The following MKKS variants were observed in gnomAD, a reference collection of about 807,000 sequenced individuals.
MKKS encodes the protein molecular chaperone MKKS.
Under a neutral mutation model 33.2 loss-of-function variants are expected in MKKS, and 29 were observed. The observed-to-expected ratio is 0.87, with a 90% CI of 0.65 to 1.19. MKKS has a LOEUF of 1.19. MKKS is among the 50% of genes most tolerant of loss of function. The pLI, the probability that MKKS is intolerant of heterozygous loss-of-function variation, is 0.00. For missense variants in MKKS, 661 were observed against 662.3 expected (o/e 1.00, Z 0.02); for synonymous variants, 260 against 244.0 (o/e 1.07, Z -0.61).
chr20:10,407,386 ACCTTGT>A (rs1290472483), intron 5 of MKKS, among the ~76,000 whole-genome samples: 18 of 152,188 alleles, frequency 1.2e-4, no homozygotes. Flanking sequence ...CCTTATATTT[ACCTTGT>A]TATTTCCCTC....
chr20:10,414,391 C>T (rs2064922001), intron 2 of MKKS, among the ~76,000 whole-genome samples: 1 of 151,690 alleles, frequency 6.6e-6, no homozygotes, highest in Non-Finnish European at 1.5e-5. Flanking sequence ...TCACCCTCCT[C>T]AGTGGCAGGG....
intron 1 of MKKS, among the ~76,000 whole-genome samples, chr20:10,424,853 A>T (rs2065004621): frequency 6.6e-6 from 1 of 152,042 alleles, no homozygotes; most frequent in African/African-American, 2.4e-5. Context: ...GGAGTTTGAG[A>T]CCAGTCTGGC....
rs2064819042 is a variant in MKKS, at chr20:10,403,099, A to T, written c.*2148T>A. 6.6e-6 allele frequency: 1 copy of T among 152,166 alleles called. No individual in the cohort carries two copies. Among genetic ancestry groups the T allele is most frequent in the Admixed American group, 6.5e-5 (1 of 15,276 alleles). The allele number at this position is 152,166 out of a possible 1,614,324, so 9.4% of individuals were successfully genotyped here. The stretch of plus-strand genomic sequence containing the variant: ...CAAATTCACTCTTGTGGTTATTGGT[A>T]CGATTCAGTTCCTTTTGAGCTGTTG... On this transcript the variant is annotated 3_prime_UTR_variant, in exon 6 of 6. Transcript: ENST00000347364.
intron 1 of MKKS, among the ~76,000 whole-genome samples, chr20:10,423,427 C>A (rs972281858): frequency 2.0e-5 from 3 of 151,932 alleles, no homozygotes; most frequent in Non-Finnish European, 2.9e-5. Flanking sequence ...TTCAAAAAAA[C>A]AAACCAAAAG....
At chr20:10,406,564 CTA>C (rs550577552) in intron 5 of MKKS, among the ~76,000 whole-genome samples, 32 of 152,300 alleles carry the variant, frequency 2.1e-4, no homozygotes, top group African/African-American at 7.5e-4. Flanking sequence ...CAAGTACACT[CTA>C]TATTGTTTGC....
intron 2 of MKKS, among the ~76,000 whole-genome samples, chr20:10,419,558 T>C (rs1248045962): frequency 6.6e-6 from 1 of 152,178 alleles, no homozygotes; most frequent in Non-Finnish European, 1.5e-5. Context: ...CACTAAACCC[T>C]ATATATACTA....
intron 2 of MKKS, among the ~76,000 whole-genome samples, chr20:10,416,506 T>C (rs6074133): frequency 0.34 from 51,351 of 151,492 alleles, 10,278 homozygotes; most frequent in Non-Finnish European, 0.45. Context: ...CAGCAACAGA[T>C]TAATATAACT....
chr20:10,433,982 C>G (rs2065077533), intron 1 of MKKS, 126 bp downstream of exon 1: 3 of 152,318 alleles, frequency 2.0e-5, no homozygotes, highest in Non-Finnish European at 4.4e-5. Context: ...TCCCCGCCCT[C>G]AAATATCCTT....
intron 4 of MKKS, 148 bp from the exon 5 acceptor site, chr20:10,407,874 G>T (rs2064854194): frequency 1.1e-5 from 8 of 699,028 alleles, no homozygotes; most frequent in Non-Finnish European, 1.8e-5. Flanking sequence ...GTTGTCATGT[G>T]ATTAATACAT....
intron 5 of MKKS, 32 bp downstream of exon 5, chr20:10,407,584 T>C (rs1411737927): frequency 6.3e-7 from 1 of 1,577,500 alleles, no homozygotes; most frequent in Middle Eastern, 1.7e-4. Context: ...TGCTGAGAAT[T>C]CAGGTAATCC....
intron 1 of MKKS, among the ~76,000 whole-genome samples, chr20:10,422,913 G>A (rs915374133): frequency 4.6e-5 from 7 of 151,820 alleles, no homozygotes; most frequent in Non-Finnish European, 1.0e-4. Flanking sequence ...GGGTTTCACC[G>A]TGTTAGCCAG....
Position 10,401,245 on chromosome 20 carries a change from T to C in MKKS, c.*4002A>G, listed in dbSNP as rs1287269095. 1 of 152,214 alleles carries C rather than the reference T, an allele frequency of 6.6e-6. No homozygotes were observed. The highest frequency in any genetic ancestry group is 1.5e-5 in the Non-Finnish European group (1 of 68,040). 9.4% of individuals were successfully genotyped at this position (152,214 alleles called of 1,614,324 possible). A position where few individuals can be genotyped will look rare whatever the true frequency, so the allele number is the denominator to read the frequency against. ...TTCATGAATATTACTATATTCTTAGTAAAGCAGCATATAAATCTACTTATA... is the reference window on the plus strand; with the variant it reads ...TTCATGAATATTACTATATTCTTAGCAAAGCAGCATATAAATCTACTTATA... On this transcript the variant is annotated 3_prime_UTR_variant, in exon 6 of 6. Coordinates refer to ENST00000347364, the MANE Select transcript of MKKS (RefSeq NM_170784.3).
At chr20:10,433,420 C>G (rs6039929) in intron 1 of MKKS, among the ~76,000 whole-genome samples, 64,346 of 152,166 alleles carry the variant, frequency 0.42, 14,389 homozygotes, top group Non-Finnish European at 0.49. Flanking sequence ...GTGCAAGTCC[C>G]TCTTGGTCAC....
At position 10,405,507 on chromosome 20, in the gene MKKS, G is replaced by A. The variant is rs1444144469; in HGVS notation, c.1453C>T (p.Pro485Ser). The A allele has an allele frequency of 9.3e-6, 15 of 1,614,186 alleles. No individual in the cohort carries two copies. The highest frequency in any genetic ancestry group is 1.3e-5 in the Non-Finnish European group (15 of 1,180,036). ...AAATCTGGCCAGTTAGCAACACAGG[G>A]AGAATCTGCCTGAACTGACCAAAGG... ...GHLWSVQADS[P>S]CVANWPDLLS... The change falls in exon 6 of 6, where the codon CCC becomes TCC. Residue 485 changes from proline to serine, a missense_variant. Physicochemically the swap from Pro to Ser is moderately conservative, Grantham distance 74. Coordinates refer to ENST00000347364, the MANE Select transcript of MKKS (RefSeq NM_170784.3).
intron 1 of MKKS, among the ~76,000 whole-genome samples, chr20:10,421,416 C>CAAAAAA (rs57038274): frequency 1.2e-5 from 1 of 86,116 alleles, no homozygotes. Flanking sequence ...GACTCCATCA[C>CAAAAAA]AAAAAAAAAA....
chr20:10,412,060 T>G (rs911840977), intron 3 of MKKS, among the ~76,000 whole-genome samples: 6 of 152,122 alleles, frequency 3.9e-5, no homozygotes, highest in African/African-American at 7.2e-5. Context: ...AAAACATAGG[T>G]GCATGTACAT....
intron 4 of MKKS, 42 bp downstream of exon 4, chr20:10,408,586 T>TTG: frequency 6.3e-7 from 1 of 1,593,912 alleles, no homozygotes; most frequent in Non-Finnish European, 8.6e-7. Flanking sequence ...GACTAATTCC[T>TTG]CCCTCAGCCT....
chr20:10,408,200 G>T (rs1346318639), intron 4 of MKKS, among the ~76,000 whole-genome samples: 4 of 152,122 alleles, frequency 2.6e-5, no homozygotes, highest in African/African-American at 7.2e-5. Flanking sequence ...TTTAAAACTT[G>T]TGACCAATCC....
At position 10,405,546 on chromosome 20, in the gene MKKS, TGTCA is replaced by T. The variant is rs1171514864; in HGVS notation, c.1410_1413del (p.Asp471Ter). ...ACTGACCAAAGGTGTCCATACTTCA[TGTCA>T]GTGAGAATTTCACCTCCATCATGTT... On this transcript the variant is annotated frameshift_variant, in exon 6 of 6. Transcript: ENST00000347364. LOFTEE classifies it high-confidence loss of function. 4 of 1,614,204 alleles carry T rather than the reference TGTCA, an allele frequency of 2.5e-6. No individual in the cohort carries two copies. The African/African-American group carries it at 5.3e-5, about 22-fold the overall frequency.
Sources: allele counts gnomAD v4.1 joint callset (sites outside exome capture counted in the v4.1 genomes callset), GRCh38; gene constraint gnomAD v4.1.1; transcripts MANE v1.5; gene names NCBI Gene and HGNC (gene_info 2026-07-23, HGNC 2026-07-21).